HDLBP: variants seen among roughly 807,000 people sequenced by gnomAD.
The protein encoded by HDLBP is high density lipoprotein binding protein, also known as vigilin.
A neutral mutation model predicts 137.3 loss-of-function variants in HDLBP; 30 were observed. The observed-to-expected ratio is 0.22, with a 90% CI of 0.16 to 0.30. The LOEUF (loss-of-function observed/expected upper bound fraction) is 0.30. HDLBP is among the 10% of genes least tolerant of loss of function. The pLI, the probability that HDLBP is intolerant of heterozygous loss-of-function variation, is 1.00. For missense variants in HDLBP, 1,119 were observed against 1,667.3 expected, an observed-to-expected ratio of 0.67 and a Z score of 5.73; for synonymous variants, 606 against 596.0, an observed-to-expected ratio of 1.02 and a Z score of -0.24.
rs146304027 is a variant in HDLBP at position 241,232,275 on chromosome 2, C to CTTT, written c.3289-1334_3289-1332dup. 2.2e-4 allele frequency among the ~76,000 whole-genome samples: 31 copies of CTTT among 143,454 alleles called. 1 individual carries two copies. Among genetic ancestry groups the CTTT allele is most frequent in the Non-Finnish European group, 2.3e-4 (15 of 65,504 alleles). The allele number at this position is 143,454 out of a possible 152,430, so 94.1% of individuals were successfully genotyped here. Reference sequence around the variant, plus strand: ...GAATAGTCTAATTGCTAAACAATGACTTTTTTTTTTTTTTTTTAAAGACAG... The same window carrying CTTT: ...GAATAGTCTAATTGCTAAACAATGACTTTTTTTTTTTTTTTTTTTTAAAGACAG... On this transcript the variant is annotated intron_variant, in intron 24 of 27. Transcript: ENST00000310931.
intron 1 of HDLBP, chr2:241,273,755 GGT>G (rs1271839734): frequency 7.1e-5 from 55 of 773,018 alleles, no homozygotes; most frequent in Non-Finnish European, 1.4e-5. Flanking sequence ...CAGGGAATGG[GGT>G]CAGGTCCGCA....
intron 14 of HDLBP, 37 bp from the exon 15 acceptor site, chr2:241,247,179 T>C (rs1473401511): frequency 7.6e-7 from 1 of 1,315,848 alleles, no homozygotes; most frequent in Admixed American, 1.7e-5. Context: ...TCACCACCTG[T>C]GCTAGAGAGT....
intron 2 of HDLBP, chr2:241,267,750 A>C: frequency 6.5e-7 from 1 of 1,528,382 alleles, no homozygotes; most frequent in Non-Finnish European, 8.8e-7. Context: ...TTGTAGCAAC[A>C]GTAACAGACC....
At chr2:241,292,017 T>A (rs1172401500) in intron 1 of HDLBP, among the ~76,000 whole-genome samples, 2 of 152,150 alleles carry the variant, frequency 1.3e-5, no homozygotes, top group Non-Finnish European at 2.9e-5. Context: ...ATACACCAAC[T>A]AAATAACGGG....
chr2:241,227,820 C>T lies in HDLBP; in HGVS notation c.*1781G>A, dbSNP rs1219420981. The T allele has an allele frequency of 1.3e-5, 2 of 150,648 alleles. No homozygotes were observed. Among genetic ancestry groups the T allele is most frequent in the African/African-American group, 2.5e-5 (1 of 39,728 alleles). The allele number at this position is 150,648 out of a possible 1,614,324, so 9.3% of individuals were successfully genotyped here. ...TGCAGATGGGGAAGAGGTGACAGCC[C>T]TTCCCCACTGGCCTCCCCCGTGGAG... On this transcript the variant is annotated 3_prime_UTR_variant, in exon 28 of 28. Transcript: ENST00000310931.
rs936448636 is a variant in HDLBP, at chr2:241,229,376, C to T, written c.*225G>A. 1.7e-5 allele frequency: 8 copies of T among 481,966 alleles called. No individual in the cohort carries two copies. The highest frequency in any genetic ancestry group is 3.0e-5 in the Non-Finnish European group (8 of 262,634). 29.9% of individuals were successfully genotyped at this position (481,966 alleles called of 1,614,324 possible). A position where few individuals can be genotyped will look rare whatever the true frequency, so the allele number is the denominator to read the frequency against. ...GTTATCTTAGCACGAATGCTCATGA[C>T]CTTGGTTTAGTGTTAAACAGTGGAG... On this transcript the variant is annotated 3_prime_UTR_variant, in exon 28 of 28. Coordinates refer to ENST00000310931, the MANE Select transcript of HDLBP (RefSeq NM_005336.6).
chr2:241,300,950 C>CTAT (rs66491533), intron 1 of HDLBP, among the ~76,000 whole-genome samples: 9,654 of 143,820 alleles, frequency 0.067, 345 homozygotes, highest in Non-Finnish European at 0.075. Context: ...TGCACACATA[C>CTAT]TATTATTATT....
Position 241,229,559 on chromosome 2 carries a change from T to G in HDLBP, c.*42A>C. 1 of 1,460,018 alleles carries G rather than the reference T, an allele frequency of 6.8e-7. No individual in the cohort carries two copies. Among genetic ancestry groups the G allele is most frequent in the Non-Finnish European group, 9.6e-7 (1 of 1,043,854 alleles). The allele number at this position is 1,460,018 out of a possible 1,614,324, so 90.4% of individuals were successfully genotyped here. ...TGAGACAAACCATTGTGTGGTTGGG[T>G]TTGGGTCAGCAGGCTGGAGAGGGTT... On this transcript the variant is annotated 3_prime_UTR_variant, in exon 28 of 28. Transcript: ENST00000310931.
chr2:241,309,114 T>A (rs1260430956), intron 1 of HDLBP, among the ~76,000 whole-genome samples: 1 of 152,198 alleles, frequency 6.6e-6, no homozygotes, highest in African/African-American at 2.4e-5. Flanking sequence ...GAATCAACTG[T>A]CGCTCAATCA....
chr2:241,271,455 C>A (rs556880900), intron 1 of HDLBP, among the ~76,000 whole-genome samples: 155 of 152,290 alleles, frequency 1.0e-3, no homozygotes, highest in African/African-American at 3.6e-3. Context: ...CTGTGTGTTG[C>A]GTGGGAAACC....
chr2:241,254,698 A>T (rs2072475745), intron 9 of HDLBP, among the ~76,000 whole-genome samples: 1 of 151,998 alleles, frequency 6.6e-6, no homozygotes, highest in East Asian at 1.9e-4. Flanking sequence ...GTTAGCCAGG[A>T]TGGTCTCGAT....
intron 3 of HDLBP, among the ~76,000 whole-genome samples, chr2:241,265,662 G>C (rs540305350): frequency 5.6e-4 from 85 of 152,358 alleles, no homozygotes; most frequent in African/African-American, 1.9e-3. Context: ...GCAAGGCCCA[G>C]TGAAAAACAC....
chr2:241,304,356 A>G (rs889849751), intron 1 of HDLBP, among the ~76,000 whole-genome samples: 1 of 152,242 alleles, frequency 6.6e-6, no homozygotes, highest in Non-Finnish European at 1.5e-5. Flanking sequence ...AGGCTTGTGC[A>G]TCCATCACAT....
In HDLBP at chr2:241,227,890, T is replaced by G. The variant is rs1241235144; in HGVS notation, c.*1711A>C. On this transcript the variant is annotated 3_prime_UTR_variant, in exon 28 of 28. Coordinates refer to ENST00000310931, the MANE Select transcript of HDLBP (RefSeq NM_005336.6). ...GGAAAGGCAGGAAAAGGGCCTTGCT[T>G]TCTTTCCCTGTTTCCTAAGCCGTGG... The G allele has an allele frequency of 6.6e-6, 1 of 152,204 alleles. No individual in the cohort carries two copies. The highest frequency in any genetic ancestry group is 1.5e-5 in the Non-Finnish European group (1 of 68,046). 9.4% of individuals were successfully genotyped at this position (152,204 alleles called of 1,614,324 possible).
intron 7 of HDLBP, among the ~76,000 whole-genome samples, 171 bp from the exon 8 acceptor site, chr2:241,255,751 T>C (rs960968977): frequency 6.6e-5 from 10 of 152,208 alleles, no homozygotes; most frequent in Admixed American, 6.5e-4. Context: ...ACTTCACTGT[T>C]CAAGGACTGG....
chr2:241,276,705 T>C (rs928684186), intron 1 of HDLBP, among the ~76,000 whole-genome samples: 1 of 152,142 alleles, frequency 6.6e-6, no homozygotes, highest in African/African-American at 2.4e-5. Context: ...ATAAAAATCA[T>C]TATTAAGAAC....
chr2:241,308,289 CT>C (rs1432710810), intron 1 of HDLBP, among the ~76,000 whole-genome samples: 1 of 152,170 alleles, frequency 6.6e-6, no homozygotes, highest in Non-Finnish European at 1.5e-5. Flanking sequence ...TTCAGCAACG[CT>C]TGTGAGACAA....
chr2:241,299,098 G>A (rs759103220), intron 1 of HDLBP, among the ~76,000 whole-genome samples: 5 of 152,182 alleles, frequency 3.3e-5, no homozygotes, highest in African/African-American at 7.2e-5. Flanking sequence ...GGTGAGGTTC[G>A]TAGTCCCAAC....
In HDLBP at chr2:241,272,168, G is replaced by C; in HGVS notation, c.-102-3627C>G. On this transcript the variant is annotated intron_variant, in intron 1 of 27. Coordinates refer to ENST00000310931, the MANE Select transcript of HDLBP (RefSeq NM_005336.6). The surrounding 1 kb of genome is among the most constrained non-coding windows in gnomAD (Gnocchi z 5.6). ...AGCTTTCCCCACCCCCGAACACGTA[G>C]ACTGACGCGGGCCCCGCGCGGCAGG... is the stretch of plus-strand genomic sequence containing the variant. 14 of 985,236 alleles carry C rather than the reference G, an allele frequency of 1.4e-5. No individual in the cohort carries two copies. Among genetic ancestry groups the C allele is most frequent in the Non-Finnish European group, 1.7e-5 (14 of 829,770 alleles). The allele number at this position is 985,236 out of a possible 1,614,324, so 61.0% of individuals were successfully genotyped here.
Sources: gnomAD v4.1 joint callset for allele counts (sites outside exome capture counted in the v4.1 genomes callset) on GRCh38, gnomAD v4.1.1 for gene constraint, Gnocchi (gnomAD v3.1) non-coding constraint, MANE v1.5 for transcripts, NCBI Gene and HGNC (gene_info 2026-07-23, HGNC 2026-07-21) for gene names.